Variants in COL4A1 observed in about 807,000 individuals in gnomAD.
COL4A1 encodes collagen type IV alpha 1 chain.
COL4A1 carries 40 observed loss-of-function variants against 216.6 expected under a neutral mutation model. The ratio of observed to expected loss-of-function variants is 0.18; its 90% confidence interval spans 0.14 to 0.24. The LOEUF is 0.24. COL4A1 is among the 10% of genes least tolerant of loss of function. The pLI, the probability that COL4A1 is intolerant of heterozygous loss-of-function variation, is 1.00. For synonymous variants in COL4A1, 839 were observed against 810.7 expected (o/e 1.03, Z -0.59); for missense variants, 1,628 against 2,196.8 (o/e 0.74, Z 5.18).
In COL4A1 at chr13:110,206,969, G is replaced by GA. The variant is rs60585275; in HGVS notation, c.781-79dup. On this transcript the variant is annotated intron_variant, in intron 13 of 51. Coordinates refer to ENST00000375820, the MANE Select transcript of COL4A1 (RefSeq NM_001845.6). ...TATATGCTGCATTAAACACACAGCA[G>GA]AAAAAAAAAAAACCTTTTTCTGATA... 108,800 of 1,039,802 alleles carry GA rather than the reference G, an allele frequency of 0.1. 32 individuals are homozygous for GA. The highest frequency in any genetic ancestry group is 0.22 in the East Asian group (5,688 of 25,690). The allele number at this position is 1,039,802 out of a possible 1,614,324, so 64.4% of individuals were successfully genotyped here.
At chr13:110,178,022 G>A (rs1877960382) in intron 32 of COL4A1, 42 bp downstream of exon 32, 1 of 1,614,114 alleles carries the variant, frequency 6.2e-7, no homozygotes, top group East Asian at 2.2e-5. Context: ...TGAGGCCCAT[G>A]TCTTCATGAT....
At chr13:110,179,532 A>C (rs997203425) in intron 29 of COL4A1, 111 bp from the exon 30 acceptor site, 5 of 1,479,900 alleles carry the variant, frequency 3.4e-6, no homozygotes, top group Non-Finnish European at 4.7e-6. Flanking sequence ...ATTTAGTAAG[A>C]ATATTATCTG....
intron 1 of COL4A1, among the ~76,000 whole-genome samples, chr13:110,286,337 G>A (rs1031214139): frequency 6.6e-6 from 1 of 152,198 alleles, no homozygotes; most frequent in African/African-American, 2.4e-5. Flanking sequence ...GCTCCTGAGG[G>A]TGGCTGCAGG....
intron 50 of COL4A1, 35 bp from the exon 51 acceptor site, chr13:110,152,541 C>A: frequency 6.3e-7 from 1 of 1,591,404 alleles, no homozygotes; most frequent in Non-Finnish European, 8.5e-7. Context: ...GTCAGAGGTT[C>A]CCTCCCCAAA....
chr13:110,254,856 T>G (rs79820848), intron 1 of COL4A1, among the ~76,000 whole-genome samples: 3,563 of 152,266 alleles, frequency 0.023, 143 homozygotes, highest in African/African-American at 0.081. Flanking sequence ...CTGGGGAATA[T>G]GCAACTGAAC....
intron 1 of COL4A1, among the ~76,000 whole-genome samples, chr13:110,243,115 G>A (rs1038722436): frequency 6.6e-6 from 1 of 152,164 alleles, no homozygotes. Flanking sequence ...TTATTTAGAG[G>A]TGTCAGACCT....
intron 2 of COL4A1, among the ~76,000 whole-genome samples, chr13:110,234,488 G>T (rs1341185410): frequency 6.6e-6 from 1 of 152,020 alleles, no homozygotes; most frequent in Non-Finnish European, 1.5e-5. Context: ...AGGCTGAGGC[G>T]TGAGAATCAC....
intron 1 of COL4A1, among the ~76,000 whole-genome samples, chr13:110,254,451 C>T (rs1162829123): frequency 1.3e-5 from 2 of 152,138 alleles, no homozygotes; most frequent in Non-Finnish European, 2.9e-5. Context: ...GACACAGCAG[C>T]GCCCATGTTC....
chr13:110,191,638 T>C (rs1373744), intron 24 of COL4A1: 670,021 of 687,134 alleles, frequency 0.98, 327,894 homozygotes, highest in Non-Finnish European at 1. Context: ...ATTTATGGAT[T>C]TGAAAAAGCA....
At position 110,152,619 on chromosome 13, in the gene COL4A1, C is replaced by A. The variant is rs79439755; in HGVS notation, c.4756-113G>T. On this transcript the variant is annotated intron_variant, in intron 50 of 51. Transcript: ENST00000375820. Reference sequence around the variant, plus strand: ...GTTCCCTCTGGAAAGCCACACACTGCAGCCTCATGTGGTCACCACAGGACA... The same window carrying A: ...GTTCCCTCTGGAAAGCCACACACTGAAGCCTCATGTGGTCACCACAGGACA... 36,614 of 1,234,534 alleles carry A rather than the reference C, an allele frequency of 0.03. 643 individuals are homozygous for A. The highest frequency in any genetic ancestry group is 0.036 in the Non-Finnish European group (31,329 of 874,630). 76.5% of individuals were successfully genotyped at this position (1,234,534 alleles called of 1,614,324 possible).
At chr13:110,188,422 T>C (rs938222584) in intron 24 of COL4A1, among the ~76,000 whole-genome samples, 2 of 152,208 alleles carry the variant, frequency 1.3e-5, no homozygotes, top group Non-Finnish European at 2.9e-5. Context: ...ATGGCTAGCA[T>C]TGGTTACCAG....
chr13:110,299,106 A>G (rs1268399373), intron 1 of COL4A1, among the ~76,000 whole-genome samples: 1 of 152,210 alleles, frequency 6.6e-6, no homozygotes, highest in African/African-American at 2.4e-5. Context: ...CAACGGAAAA[A>G]GAAGACAAAG....
chr13:110,185,753 A>T (rs978375017), intron 26 of COL4A1, among the ~76,000 whole-genome samples: 2 of 152,118 alleles, frequency 1.3e-5, no homozygotes, highest in Admixed American at 1.3e-4. Context: ...GTCGTGGGAG[A>T]GGAGAACGAC....
In COL4A1 at chr13:110,176,653, C is replaced by T. The variant is rs1877902470; in HGVS notation, c.2941G>A (p.Gly981Arg). 6.2e-7 allele frequency: 1 copy of T among 1,614,184 alleles called. No individual in the cohort carries two copies. The change falls in exon 35 of 52, where the codon GGG (glycine) becomes AGG (arginine). Residue 981 changes from glycine to arginine, a missense_variant. Coordinates refer to ENST00000375820, the MANE Select transcript of COL4A1 (RefSeq NM_001845.6). Reference sequence around the variant, plus strand: ...GGCTGCCCAGGCTGTCCTGCCTGCCCGTCCTTTCCAGGCACTCCTGGGGTC... The same window carrying T: ...GGCTGCCCAGGCTGTCCTGCCTGCCTGTCCTTTCCAGGCACTCCTGGGGTC... Reference protein sequence around the residue: ...PGTPGVPGKDGQAGQPGQPGP... With the variant: ...PGTPGVPGKDRQAGQPGQPGP...
intron 24 of COL4A1, among the ~76,000 whole-genome samples, chr13:110,189,869 G>C (rs897167987): frequency 2.0e-5 from 3 of 149,922 alleles, no homozygotes; most frequent in African/African-American, 4.9e-5. Context: ...GGGCTCTGAG[G>C]GTAGGACCAA....
chr13:110,231,111 C>T (rs1487001913), intron 2 of COL4A1, among the ~76,000 whole-genome samples: 3 of 152,230 alleles, frequency 2.0e-5, no homozygotes, highest in Non-Finnish European at 2.9e-5. Flanking sequence ...TTCCAGCCCG[C>T]GTGGTGAGGA....
At chr13:110,255,291 G>A (rs1882458065) in intron 1 of COL4A1, among the ~76,000 whole-genome samples, 1 of 151,950 alleles carries the variant, frequency 6.6e-6, no homozygotes, top group African/African-American at 2.4e-5. Context: ...GCTGGATTTT[G>A]GTGGCATTCA....
intron 2 of COL4A1, among the ~76,000 whole-genome samples, chr13:110,227,387 GAC>G (rs373355054): frequency 0.048 from 6,718 of 138,664 alleles, 170 homozygotes; most frequent in African/African-American, 0.052. Context: ...GGGTACGGTA[GAC>G]ACACACACAC....
At chr13:110,170,130 G>GAAAGAAGGAAGGAAGA in intron 42 of COL4A1, among the ~76,000 whole-genome samples, 1 of 24,090 alleles carries the variant, frequency 4.2e-5, no homozygotes, top group Non-Finnish European at 1.2e-4. Flanking sequence ...AGGAAGGAAG[G>GAAAGAAGGAAGGAAGA]AAGGAAGGAA....
Sources: gnomAD v4.1 joint callset for allele counts (sites outside exome capture counted in the v4.1 genomes callset) on GRCh38, gnomAD v4.1.1 for gene constraint, MANE v1.5 for transcripts, NCBI Gene and HGNC (gene_info 2026-07-23, HGNC 2026-07-21) for gene names.